Variants in CADPS2 observed in about 807,000 individuals in gnomAD.
CADPS2 encodes the protein calcium-dependent secretion activator 2.
CADPS2 carries 93 observed loss-of-function variants against 172.5 expected under a neutral mutation model. That is an observed-to-expected ratio of 0.54 (90% CI 0.46 to 0.64). The LOEUF is 0.64. Ranked by LOEUF, CADPS2 falls within the 30% of genes least tolerant of loss-of-function variation. The pLI is 0.00. For missense variants in CADPS2, 1,420 were observed against 1,565.9 expected (o/e 0.91, Z 1.57); for synonymous variants, 546 against 555.2 (o/e 0.98, Z 0.23).
chr7:122,751,337 TA>T (rs1025584061), intron 1 of CADPS2, among the ~76,000 whole-genome samples: 13 of 152,118 alleles, frequency 8.5e-5, no homozygotes, highest in Non-Finnish European at 1.9e-4. Context: ...AATAATGATT[TA>T]AAAAAATCAT....
intron 14 of CADPS2, among the ~76,000 whole-genome samples, chr7:122,459,304 CAT>C: frequency 6.6e-6 from 1 of 151,982 alleles, no homozygotes; most frequent in Non-Finnish European, 1.5e-5. Flanking sequence ...TTTTTGCTAT[CAT>C]AGATAGTGCT....
At chr7:122,636,117 T>C (rs1588016798) in intron 3 of CADPS2, among the ~76,000 whole-genome samples, 3 of 152,162 alleles carry the variant, frequency 2.0e-5, no homozygotes, top group South Asian at 4.1e-4. Context: ...AGTATTGATA[T>C]GTGAGATTTT....
chr7:122,386,329 GAA>G, intron 24 of CADPS2: 5 of 1,369,870 alleles, frequency 3.6e-6, no homozygotes, highest in South Asian at 1.9e-5. Context: ...GCCATGGGTG[GAA>G]AAAAAAAGAT....
chr7:122,546,979 G>A (rs757370884), intron 8 of CADPS2, among the ~76,000 whole-genome samples: 2 of 151,886 alleles, frequency 1.3e-5, no homozygotes, highest in African/African-American at 2.4e-5. Flanking sequence ...AATATAGCAT[G>A]ACTATTCAAA....
intron 5 of CADPS2, among the ~76,000 whole-genome samples, chr7:122,619,200 A>G (rs2075299872): frequency 6.6e-6 from 1 of 152,154 alleles, no homozygotes; most frequent in Non-Finnish European, 1.5e-5. Flanking sequence ...ACAATTGTTT[A>G]AGATTTTTGA....
chr7:122,825,112 T>A (rs1032858696), intron 1 of CADPS2, among the ~76,000 whole-genome samples: 3 of 152,174 alleles, frequency 2.0e-5, no homozygotes, highest in East Asian at 3.8e-4. Context: ...CTAGAAAAAG[T>A]GCAGTAACTG....
intron 9 of CADPS2, among the ~76,000 whole-genome samples, chr7:122,512,108 G>A (rs2060047284): frequency 1.3e-5 from 2 of 152,028 alleles, no homozygotes; most frequent in African/African-American, 2.4e-5. Context: ...AAAAAAAATA[G>A]GCTGGTTGTT....
At chr7:122,449,840 C>G (rs1586160999) in intron 15 of CADPS2, among the ~76,000 whole-genome samples, 1 of 151,764 alleles carries the variant, frequency 6.6e-6, no homozygotes, top group South Asian at 2.1e-4. Context: ...GTCTCATGTA[C>G]TGCACTTTTA....
At position 122,530,833 on chromosome 7, in the gene CADPS2, T is replaced by C. The variant is rs541287778; in HGVS notation, c.1476-17518A>G. On this transcript the variant is annotated intron_variant, in intron 8 of 29. Coordinates refer to ENST00000449022, the MANE Select transcript of CADPS2 (RefSeq NM_017954.11). ...TCAAGTAAGCTTTTTACCTCTTTTA[T>C]ACGGAGGAGATGGTCTTGATCTCAG... 2.0e-5 allele frequency among the ~76,000 whole-genome samples: 3 copies of C among 152,308 alleles called. No individual in the cohort carries two copies. The South Asian group carries it at 6.2e-4, about 32-fold the overall frequency.
At chr7:122,652,455 TAC>T (rs886352509) in intron 3 of CADPS2, among the ~76,000 whole-genome samples, 8 of 152,178 alleles carry the variant, frequency 5.3e-5, no homozygotes, top group African/African-American at 1.7e-4. Flanking sequence ...CTATCAAATA[TAC>T]AGTTTTAATA....
At chr7:122,663,186 G>T in intron 3 of CADPS2, 51 bp downstream of exon 3, 1 of 1,302,414 alleles carries the variant, frequency 7.7e-7, no homozygotes, top group Non-Finnish European at 1.1e-6. Flanking sequence ...AATACTTCAT[G>T]TTCATTCCAC....
At chr7:122,574,024 A>T (rs2067622554) in intron 7 of CADPS2, among the ~76,000 whole-genome samples, 2 of 152,222 alleles carry the variant, frequency 1.3e-5, no homozygotes, top group South Asian at 4.1e-4. Context: ...GGCAAAAAAA[A>T]TGTTTATCTT....
At chr7:122,502,740 T>G (rs895313166) in intron 9 of CADPS2, among the ~76,000 whole-genome samples, 3 of 152,162 alleles carry the variant, frequency 2.0e-5, no homozygotes, top group African/African-American at 2.4e-5. Context: ...GTTTATTTCA[T>G]TATTATTCTA....
In CADPS2 at chr7:122,647,484, C is replaced by A. The variant is rs150070222; in HGVS notation, c.786+15753G>T. ...AATAGTAATAATAGAAGTCTTTCTG[C>A]CAGTTTGTAACAAAAAGCTAGAAGT... On this transcript the variant is annotated intron_variant, in intron 3 of 29. Transcript: ENST00000449022. 5.3e-5 allele frequency among the ~76,000 whole-genome samples: 8 copies of A among 152,154 alleles called. No individual in the cohort carries two copies. The East Asian group carries it at 1.5e-3, about 29-fold the overall frequency.
At chr7:122,698,415 C>T in intron 2 of CADPS2, 2 of 1,614,024 alleles carry the variant, frequency 1.2e-6, no homozygotes, top group South Asian at 2.2e-5. Context: ...GAACTCCCTT[C>T]TTAATTAAAT....
At chr7:122,387,208 TCTG>T in intron 23 of CADPS2, 35 bp from the exon 24 acceptor site, 2 of 1,552,058 alleles carry the variant, frequency 1.3e-6, no homozygotes, top group Non-Finnish European at 1.7e-6. Flanking sequence ...AGTAAGAAAT[TCTG>T]CTATACAGCT....
In CADPS2 at chr7:122,730,713, T is replaced by C. The variant is rs1309167060; in HGVS notation, c.453+6242A>G. ...GGAGTTGCTATAGCTATTGAAATTA[T>C]ACAGGCGGTATTTGTTTTCTTTTTC... On this transcript the variant is annotated intron_variant, in intron 2 of 29. Transcript: ENST00000449022. Among the ~76,000 whole-genome samples the C allele has an allele frequency of 2.0e-5, 3 of 151,846 alleles. No homozygotes were observed. In the South Asian group the frequency reaches 6.2e-4, roughly 31 times the overall value.
At chr7:122,687,127 G>C (rs1053523346) in intron 2 of CADPS2, among the ~76,000 whole-genome samples, 6 of 152,112 alleles carry the variant, frequency 3.9e-5, no homozygotes, top group African/African-American at 1.4e-4. Context: ...TTTACACAAG[G>C]GAGCTACTAG....
chr7:122,732,695 C>T (rs2091765950), intron 2 of CADPS2, among the ~76,000 whole-genome samples: 1 of 143,466 alleles, frequency 7.0e-6, no homozygotes, highest in African/African-American at 2.5e-5. Context: ...CATATATTTA[C>T]ATTATATATT....
Sources: allele counts gnomAD v4.1 joint callset (sites outside exome capture counted in the v4.1 genomes callset), GRCh38; gene constraint gnomAD v4.1.1; transcripts MANE v1.5; gene names NCBI Gene and HGNC (gene_info 2026-07-23, HGNC 2026-07-21).